TACR1: variants seen among roughly 807,000 people sequenced by gnomAD.
TACR1 encodes tachykinin receptor 1.
A neutral mutation model predicts 35.8 loss-of-function variants in TACR1; 25 were observed. The observed-to-expected ratio is 0.70, with a 90% CI of 0.51 to 0.98. The LOEUF is 0.98. TACR1 is among the 50% of genes least tolerant of loss of function. TACR1 has a pLI of 0.00. For synonymous variants in TACR1, 195 were observed against 206.7 expected (o/e 0.94, Z 0.48); for missense variants, 478 against 522.9 (o/e 0.91, Z 0.84).
intron 2 of TACR1, among the ~76,000 whole-genome samples, chr2:75,094,891 G>T (rs1673389681): frequency 7.5e-6 from 1 of 132,926 alleles, no homozygotes; most frequent in African/African-American, 3.6e-5. Flanking sequence ...ATGGCAAAGA[G>T]AACAGCTAGA....
At chr2:75,176,222 A>G (rs933869400) in intron 1 of TACR1, among the ~76,000 whole-genome samples, 28 of 152,054 alleles carry the variant, frequency 1.8e-4, no homozygotes, top group African/African-American at 6.5e-4. Flanking sequence ...CTCTTTTATA[A>G]TACAGTTAGG....
intron 1 of TACR1, among the ~76,000 whole-genome samples, chr2:75,141,740 G>A (rs1238819015): frequency 1.3e-5 from 2 of 152,156 alleles, no homozygotes; most frequent in African/African-American, 4.8e-5. Context: ...ACTTATATGT[G>A]CTCAAAATGT....
chr2:75,173,499 C>G (rs2104023551), intron 1 of TACR1, among the ~76,000 whole-genome samples: 1 of 152,164 alleles, frequency 6.6e-6, no homozygotes, highest in South Asian at 2.1e-4. Flanking sequence ...GGGTCATTTT[C>G]CATCAAGGAA....
intron 1 of TACR1, among the ~76,000 whole-genome samples, chr2:75,158,207 A>G (rs1468355858): frequency 6.6e-6 from 1 of 152,306 alleles, no homozygotes; most frequent in East Asian, 1.9e-4. Context: ...AGATCTTCCT[A>G]TGGACGAAGA....
chr2:75,117,636 C>T (rs1387718382), intron 2 of TACR1, among the ~76,000 whole-genome samples: 1 of 152,148 alleles, frequency 6.6e-6, no homozygotes. Context: ...TCCAGATAAA[C>T]CCATCATAAA....
intron 2 of TACR1, among the ~76,000 whole-genome samples, chr2:75,064,744 G>A (rs992271336): frequency 2.0e-5 from 3 of 152,186 alleles, no homozygotes; most frequent in Admixed American, 6.5e-5. Flanking sequence ...GTAATTCCCC[G>A]ATTCAGCTCC....
At chr2:75,104,924 T>C (rs1319581024) in intron 2 of TACR1, among the ~76,000 whole-genome samples, 2 of 151,914 alleles carry the variant, frequency 1.3e-5, no homozygotes, top group African/African-American at 4.8e-5. Flanking sequence ...GGAATACTTG[T>C]GCATGGTTGA....
At chr2:75,147,937 G>A (rs1674580320) in intron 1 of TACR1, among the ~76,000 whole-genome samples, 1 of 151,844 alleles carries the variant, frequency 6.6e-6, no homozygotes, top group South Asian at 2.1e-4. Flanking sequence ...TAGTAGAGAT[G>A]GGGTTTCAAC....
intron 2 of TACR1, among the ~76,000 whole-genome samples, chr2:75,075,259 C>G (rs952157719): frequency 6.6e-6 from 1 of 152,180 alleles, no homozygotes; most frequent in Non-Finnish European, 1.5e-5. Flanking sequence ...AATAAAAAGT[C>G]TGACAATACC....
At chr2:75,177,878 C>G (rs563153038) in intron 1 of TACR1, among the ~76,000 whole-genome samples, 105 of 152,316 alleles carry the variant, frequency 6.9e-4, no homozygotes, top group African/African-American at 2.3e-3. Flanking sequence ...AGTCACTTCA[C>G]CCTCCAGCTC....
intron 1 of TACR1, chr2:75,188,060 A>G (rs1022646367): frequency 6.6e-6 from 1 of 152,146 alleles, no homozygotes; most frequent in Non-Finnish European, 1.5e-5. Flanking sequence ...TTCCTAGCTC[A>G]TGTTTGAAGA....
chr2:75,180,466 G>A (rs1675535787), intron 1 of TACR1, among the ~76,000 whole-genome samples: 1 of 152,162 alleles, frequency 6.6e-6, no homozygotes, highest in Admixed American at 6.5e-5. Context: ...ATCTGGTCTG[G>A]TTGTAGCACT....
intron 2 of TACR1, among the ~76,000 whole-genome samples, chr2:75,109,277 A>G (rs1409804997): frequency 6.6e-6 from 1 of 152,152 alleles, no homozygotes; most frequent in Non-Finnish European, 1.5e-5. Flanking sequence ...GTAATGACTA[A>G]TGAGGGAGAG....
intron 2 of TACR1, among the ~76,000 whole-genome samples, chr2:75,100,816 A>G (rs539108225): frequency 6.6e-6 from 1 of 152,252 alleles, no homozygotes; most frequent in African/African-American, 2.4e-5. Context: ...CTTGGTAACT[A>G]TAAGGAAATT....
chr2:75,067,797 C>G (rs1672796304), intron 2 of TACR1, among the ~76,000 whole-genome samples: 1 of 152,072 alleles, frequency 6.6e-6, no homozygotes, highest in Non-Finnish European at 1.5e-5. Flanking sequence ...CAGAATGCCT[C>G]TGTGGCTTGA....
chr2:75,084,989 T>A (rs1207817202), intron 2 of TACR1, among the ~76,000 whole-genome samples: 3 of 152,234 alleles, frequency 2.0e-5, no homozygotes, highest in Non-Finnish European at 2.9e-5. Flanking sequence ...GTGTTTGCTC[T>A]TGCTTCTCTA....
At chr2:75,195,371 TCTTCCCTCCTTCTCCTAC>T (rs1675943708) in intron 1 of TACR1, among the ~76,000 whole-genome samples, 1 of 149,626 alleles carries the variant, frequency 6.7e-6, no homozygotes, top group Non-Finnish European at 1.5e-5. Context: ...TTTTCTTCCC[TCTTCCCTCCTTCTCCTAC>T]CTTCCCTTCC....
chr2:75,060,559 A>T (rs190376604), intron 2 of TACR1, among the ~76,000 whole-genome samples: 23 of 152,328 alleles, frequency 1.5e-4, no homozygotes, highest in Non-Finnish European at 2.6e-4. Flanking sequence ...CTGTGTGAAG[A>T]AGTGCCACAA....
intron 1 of TACR1, among the ~76,000 whole-genome samples, chr2:75,148,117 C>T (rs956010722): frequency 6.6e-5 from 10 of 152,132 alleles, no homozygotes; most frequent in Non-Finnish European, 1.3e-4. Context: ...ATCCAGTTAT[C>T]ATTGATGGGC....
Sources: allele counts gnomAD v4.1 joint callset (sites outside exome capture counted in the v4.1 genomes callset), GRCh38; gene constraint gnomAD v4.1.1; transcripts MANE v1.5; gene names NCBI Gene and HGNC (gene_info 2026-07-23, HGNC 2026-07-21).